COL19A1: variants seen among roughly 807,000 people sequenced by gnomAD.
COL19A1 encodes collagen type XIX alpha 1 chain, also known as collagen alpha-1(XIX) chain.
Under a neutral mutation model 190.2 loss-of-function variants are expected in COL19A1, and 159 were observed. The observed-to-expected ratio is 0.84, with a 90% confidence interval of 0.73 to 0.95. COL19A1 has a LOEUF of 0.95. Among genes scored for constraint, COL19A1 ranks in the 40% least tolerant of loss-of-function variants. The pLI is 0.00. For synonymous variants in COL19A1, 509 were observed against 458.9 expected, an observed-to-expected ratio of 1.11 and a Z score of -1.39; for missense variants, 1,418 against 1,431.9, an observed-to-expected ratio of 0.99 and a Z score of 0.16.
At chr6:69,936,740 G>A in intron 7 of COL19A1, 45 bp from the exon 8 acceptor site, 3 of 1,604,624 alleles carry the variant, frequency 1.9e-6, no homozygotes, top group Non-Finnish European at 2.6e-6. Flanking sequence ...ACATGAGAAT[G>A]TTTGGAATTG....
chr6:70,020,499 G>A (rs78391716), intron 11 of COL19A1, among the ~76,000 whole-genome samples: 2 of 151,912 alleles, frequency 1.3e-5, no homozygotes, highest in Non-Finnish European at 2.9e-5. Context: ...TAACTTAAAT[G>A]CAGGATTGCA....
intron 42 of COL19A1, among the ~76,000 whole-genome samples, chr6:70,177,588 A>G (rs960771866): frequency 1.3e-5 from 2 of 152,388 alleles, no homozygotes; most frequent in East Asian, 3.9e-4. Context: ...TAAAAGTAGC[A>G]TGAAAATATC....
intron 11 of COL19A1, among the ~76,000 whole-genome samples, chr6:70,004,853 G>A (rs9354902): frequency 1.0e-4 from 15 of 147,020 alleles, no homozygotes; most frequent in Non-Finnish European, 1.9e-4. Flanking sequence ...TTTTTTTGAC[G>A]GAGTCTTGCT....
chr6:70,029,417 C>T (rs770656234), intron 12 of COL19A1, among the ~76,000 whole-genome samples: 5 of 152,108 alleles, frequency 3.3e-5, no homozygotes, highest in Non-Finnish European at 5.9e-5. Context: ...GTAGAATCAA[C>T]TACTGTGCTT....
chr6:70,027,754 A>G (rs966577558), intron 12 of COL19A1, among the ~76,000 whole-genome samples: 3 of 152,034 alleles, frequency 2.0e-5, no homozygotes, highest in Non-Finnish European at 4.4e-5. Flanking sequence ...TTGTCTTTAC[A>G]CACAATCTAG....
intron 2 of COL19A1, among the ~76,000 whole-genome samples, chr6:69,888,790 A>C (rs1769125950): frequency 6.6e-6 from 1 of 152,056 alleles, no homozygotes. Flanking sequence ...AAAAAAAAAA[A>C]AAAAAGCAGT....
At chr6:69,946,885 AGTAG>A (rs1171512782) in intron 9 of COL19A1, among the ~76,000 whole-genome samples, 1 of 151,932 alleles carries the variant, frequency 6.6e-6, no homozygotes, top group African/African-American at 2.4e-5. Flanking sequence ...GTGGCCCTAT[AGTAG>A]GGCTGCCAGA....
Position 70,206,953 on chromosome 6 carries a change from GA to G in COL19A1, c.3277del (p.Ser1093ValfsTer54). 1.9e-6 allele frequency: 3 copies of G among 1,613,862 alleles called. No individual in the cohort carries two copies. The highest frequency in any genetic ancestry group is 2.5e-6 in the Non-Finnish European group (3 of 1,179,894). On this transcript the variant is annotated frameshift_variant, in exon 50 of 51. Coordinates refer to ENST00000620364, the MANE Select transcript of COL19A1 (RefSeq NM_001858.6). LOFTEE classifies it high-confidence loss of function. The part of the protein sequence containing the change: ...RGEPGIGLPG[S>X]PGLPGTSALG... Reference sequence around the variant, plus strand: ...GTGAACCTGGAATTGGGCTGCCAGGGAGTCCAGGTCTTCCTGGGACTTCAGG... The same window carrying G: ...GTGAACCTGGAATTGGGCTGCCAGGGGTCCAGGTCTTCCTGGGACTTCAGG...
At chr6:69,955,566 TAA>T (rs1055991257) in intron 9 of COL19A1, among the ~76,000 whole-genome samples, 73 of 121,452 alleles carry the variant, frequency 6.0e-4, no homozygotes, top group African/African-American at 2.3e-3. Context: ...TGTGTGTGTG[TAA>T]GAGAGAGAAA....
intron 11 of COL19A1, among the ~76,000 whole-genome samples, chr6:70,016,679 A>G (rs941326801): frequency 5.9e-5 from 9 of 152,092 alleles, no homozygotes; most frequent in South Asian, 4.1e-4. Flanking sequence ...GAACTTTTAC[A>G]ACTCACAAAT....
At position 70,210,450 on chromosome 6, in the gene COL19A1, A is replaced by G. The variant is rs1583175615; in HGVS notation, c.*3176A>G. 6.6e-6 allele frequency among the ~76,000 whole-genome samples: 1 copy of G among 152,194 alleles called. No individual in the cohort carries two copies. The highest frequency in any genetic ancestry group is 6.5e-5 in the Admixed American group (1 of 15,272). On this transcript the variant is annotated 3_prime_UTR_variant, in exon 51 of 51. Transcript: ENST00000620364. ...TTCACTTTGTGAGCAAAGTAACCCC[A>G]TAAGTTTATTTCCCTATTTCATGGT...
At chr6:70,146,973 T>A in intron 27 of COL19A1, 84 bp downstream of exon 27, 1 of 1,230,552 alleles carries the variant, frequency 8.1e-7, no homozygotes, top group Non-Finnish European at 1.1e-6. Context: ...GAGAAAAGAA[T>A]AGAAAGGTCA....
intron 11 of COL19A1, among the ~76,000 whole-genome samples, chr6:69,971,722 T>G (rs1775436381): frequency 6.6e-6 from 1 of 152,226 alleles, no homozygotes; most frequent in African/African-American, 2.4e-5. Context: ...GTAACTGCTA[T>G]TATTTAACAA....
chr6:69,955,176 C>T (rs772627781), intron 9 of COL19A1, among the ~76,000 whole-genome samples: 1 of 152,088 alleles, frequency 6.6e-6, no homozygotes, highest in African/African-American at 2.4e-5. Context: ...TTGTGCCTGA[C>T]ACTTTCAGGA....
intron 9 of COL19A1, among the ~76,000 whole-genome samples, chr6:69,950,837 T>G (rs1486460625): frequency 6.6e-6 from 1 of 151,898 alleles, no homozygotes; most frequent in Non-Finnish European, 1.5e-5. Flanking sequence ...TTGTTTTCAT[T>G]ACCTGAATAC....
chr6:69,986,354 A>G (rs1582611155), intron 11 of COL19A1, among the ~76,000 whole-genome samples: 1 of 151,718 alleles, frequency 6.6e-6, no homozygotes, highest in Non-Finnish European at 1.5e-5. Flanking sequence ...TTAGTTACCA[A>G]TGGATATACT....
intron 31 of COL19A1, among the ~76,000 whole-genome samples, chr6:70,152,554 A>G (rs1787131570): frequency 6.6e-6 from 1 of 152,160 alleles, no homozygotes; most frequent in Non-Finnish European, 1.5e-5. Flanking sequence ...TCTTATATTT[A>G]TTGAGTTAAA....
At chr6:70,063,635 G>A (rs1198507846) in intron 14 of COL19A1, among the ~76,000 whole-genome samples, 1 of 152,022 alleles carries the variant, frequency 6.6e-6, no homozygotes. Flanking sequence ...TAAGATCAGA[G>A]CAGAACTGAA....
intron 12 of COL19A1, among the ~76,000 whole-genome samples, chr6:70,032,065 A>G (rs987926039): frequency 3.3e-5 from 5 of 152,154 alleles, no homozygotes; most frequent in African/African-American, 9.6e-5. Context: ...TTTATAGCCA[A>G]TGAGTAGAGG....
Sources: allele counts gnomAD v4.1 joint callset (sites outside exome capture counted in the v4.1 genomes callset), GRCh38; gene constraint gnomAD v4.1.1; transcripts MANE v1.5; gene names NCBI Gene and HGNC (gene_info 2026-07-23, HGNC 2026-07-21).